Variants in FNDC3B observed in about 807,000 individuals in gnomAD.
The protein encoded by FNDC3B is fibronectin type III domain containing 3B.
In FNDC3B, 12 loss-of-function variants were observed where a neutral mutation model predicts 151.5. The ratio of observed to expected loss-of-function variants is 0.08; its 90% CI spans 0.05 to 0.13. FNDC3B has a LOEUF of 0.13. Among genes scored for constraint, FNDC3B ranks in the 10% least tolerant of loss-of-function variants. FNDC3B has a pLI of 1.00. For missense variants in FNDC3B, 1,214 were observed against 1,505.3 expected, an observed-to-expected ratio of 0.81 and a Z score of 3.20; for synonymous variants, 528 against 549.0, an observed-to-expected ratio of 0.96 and a Z score of 0.54.
chr3:172,133,624 T>A, intron 3 of FNDC3B, 78 bp downstream of exon 3: 1 of 1,005,820 alleles, frequency 9.9e-7, no homozygotes, highest in Non-Finnish European at 1.6e-6. Flanking sequence ...TCTGTGTGTG[T>A]CTGCATGTAA....
chr3:172,163,435 T>C (rs1218183314), intron 3 of FNDC3B, among the ~76,000 whole-genome samples: 1 of 152,228 alleles, frequency 6.6e-6, no homozygotes, highest in Non-Finnish European at 1.5e-5. Flanking sequence ...AATCACTTTT[T>C]GATGATTTTC....
intron 21 of FNDC3B, among the ~76,000 whole-genome samples, chr3:172,350,942 G>A (rs1249326893): frequency 2.6e-5 from 4 of 152,190 alleles, no homozygotes; most frequent in Admixed American, 2.0e-4. Flanking sequence ...AAGTTTTAGA[G>A]TACATTCACT....
intron 9 of FNDC3B, 197 bp from the exon 10 acceptor site, chr3:172,307,166 A>G (rs1731239428): frequency 1.7e-6 from 1 of 573,944 alleles, no homozygotes; most frequent in African/African-American, 1.9e-5. Flanking sequence ...CACTGAGACA[A>G]ATACCTGTTG....
chr3:172,221,852 C>G (rs1726292201), intron 3 of FNDC3B, among the ~76,000 whole-genome samples: 1 of 152,322 alleles, frequency 6.6e-6, no homozygotes, highest in East Asian at 1.9e-4. Context: ...CCATTGCAAA[C>G]AGCTTAAATG....
intron 25 of FNDC3B, among the ~76,000 whole-genome samples, chr3:172,389,600 C>T (rs1235787522): frequency 6.6e-6 from 1 of 152,114 alleles, no homozygotes; most frequent in Admixed American, 6.5e-5. Flanking sequence ...GGGTGGCTCA[C>T]GCCTGTAGTA....
At chr3:172,108,101 G>C (rs1000883289) in intron 1 of FNDC3B, among the ~76,000 whole-genome samples, 1 of 151,914 alleles carries the variant, frequency 6.6e-6, no homozygotes, top group African/African-American at 2.4e-5. Flanking sequence ...CCAGGAGGCG[G>C]AGTTTGTGGT....
In FNDC3B at chr3:172,059,062, A is replaced by G. The variant is rs911441697; in HGVS notation, c.-29+19291A>G. ...GTTTTCATCAAAACCAACATCTTCC[A>G]TAATGTTTATTTTCCTTATTTATTT... On this transcript the variant is annotated intron_variant, in intron 1 of 25. Transcript: ENST00000415807. 6.6e-5 allele frequency among the ~76,000 whole-genome samples: 10 copies of G among 152,284 alleles called. No individual in the cohort carries two copies. The Middle Eastern group carries it at 0.01, about 155-fold the overall frequency.
chr3:172,149,305 A>T (rs1722089710), intron 3 of FNDC3B, among the ~76,000 whole-genome samples: 1 of 152,226 alleles, frequency 6.6e-6, no homozygotes, highest in South Asian at 2.1e-4. Flanking sequence ...ACTTTAAATG[A>T]AGACACCTAA....
intron 3 of FNDC3B, among the ~76,000 whole-genome samples, chr3:172,170,300 C>G (rs1283081605): frequency 6.6e-6 from 1 of 152,196 alleles, no homozygotes; most frequent in African/African-American, 2.4e-5. Context: ...ATGTTTGTTT[C>G]TCTCCTTCCC....
In FNDC3B at chr3:172,334,940, C is replaced by T. The variant is rs776401886; in HGVS notation, c.1642-4C>T. On this transcript the variant is annotated splice_polypyrimidine_tract_variant and splice_region_variant and intron_variant, in intron 14 of 25. Transcript: ENST00000415807. ...ATGTTAACGTTTCCTTGGTTGTGTT[C>T]TAGCTGACTGCTTCTAATACGGAAG... 5.6e-6 allele frequency: 9 copies of T among 1,611,038 alleles called. No homozygotes were observed. The highest frequency in any genetic ancestry group is 7.6e-6 in the Non-Finnish European group (9 of 1,178,904).
chr3:172,257,523 T>C (rs1353071676), intron 6 of FNDC3B, among the ~76,000 whole-genome samples: 3 of 151,442 alleles, frequency 2.0e-5, no homozygotes, highest in Non-Finnish European at 4.4e-5. Flanking sequence ...GGATTACCAG[T>C]TTTAAATACA....
intron 22 of FNDC3B, 116 bp from the exon 23 acceptor site, chr3:172,362,517 T>C: frequency 1.3e-6 from 1 of 799,710 alleles, no homozygotes; most frequent in Non-Finnish European, 2.0e-6. Context: ...TTTTTCTTCA[T>C]TCTATGTTAT....
intron 3 of FNDC3B, among the ~76,000 whole-genome samples, chr3:172,167,154 G>C (rs1201544167): frequency 6.6e-6 from 1 of 152,216 alleles, no homozygotes; most frequent in Non-Finnish European, 1.5e-5. Context: ...CAAGCACTTT[G>C]GGAGGCTGAG....
chr3:172,376,894 A>G (rs995902501), intron 23 of FNDC3B, among the ~76,000 whole-genome samples: 8 of 151,894 alleles, frequency 5.3e-5, no homozygotes, highest in Admixed American at 4.6e-4. Flanking sequence ...AAGAAAAGAA[A>G]ATGTTTTAGA....
In FNDC3B at chr3:172,247,747, A is replaced by T. The variant is rs777955454; in HGVS notation, c.479A>T (p.His160Leu). 3.7e-6 allele frequency: 6 copies of T among 1,614,050 alleles called. No individual in the cohort carries two copies. In the East Asian group the frequency reaches 1.3e-4, roughly 36 times the overall value. ...DMPPQFFPQH[H>L]LPHTIYGEQE... ...CCGCCTCAGTTTTTTCCCCAGCATC[A>T]TCTTCCCCACACAATATATGGTGAG... The change falls in exon 5 of 26, where the codon CAT becomes CTT. Residue 160 changes from histidine (H) to leucine (L), a missense_variant. Transcript: ENST00000415807.
intron 1 of FNDC3B, among the ~76,000 whole-genome samples, chr3:172,054,941 A>G (rs1318279716): frequency 1.3e-5 from 2 of 152,216 alleles, no homozygotes; most frequent in African/African-American, 4.8e-5. Flanking sequence ...GGTAAAGAGA[A>G]CAGTTTTAAG....
chr3:172,241,897 A>G (rs1188165471), intron 4 of FNDC3B, among the ~76,000 whole-genome samples: 1 of 152,244 alleles, frequency 6.6e-6, no homozygotes, highest in East Asian at 1.9e-4. Flanking sequence ...GAGACAAAGC[A>G]AGTCCCTTCT....
intron 1 of FNDC3B, among the ~76,000 whole-genome samples, chr3:172,099,204 T>C (rs1650709660): frequency 6.6e-6 from 1 of 152,230 alleles, no homozygotes; most frequent in South Asian, 2.1e-4. Context: ...AATTTGTTGC[T>C]CTAGGAACTG....
intron 21 of FNDC3B, among the ~76,000 whole-genome samples, chr3:172,348,007 A>G (rs1435166801): frequency 2.0e-5 from 3 of 152,210 alleles, no homozygotes; most frequent in Non-Finnish European, 4.4e-5. Context: ...GTAAAGCCTT[A>G]GTCTCTTGAG....
Sources: gnomAD v4.1 joint callset for allele counts (sites outside exome capture counted in the v4.1 genomes callset) on GRCh38, gnomAD v4.1.1 for gene constraint, MANE v1.5 for transcripts, NCBI Gene and HGNC (gene_info 2026-07-23, HGNC 2026-07-21) for gene names.